Variants in UBE3D observed in about 807,000 individuals in gnomAD.
UBE3D encodes the protein ubiquitin protein ligase E3D.
In UBE3D, 48 loss-of-function variants were observed where a neutral mutation model predicts 49.6. The ratio of observed to expected loss-of-function variants is 0.97; its 90% CI spans 0.77 to 1.23. The LOEUF is 1.23. Among genes scored for constraint, UBE3D ranks in the 50% most tolerant of loss-of-function variants. The probability of loss-of-function intolerance (pLI) is 0.00; values close to 1 mark genes in which losing one functional copy is unlikely to be tolerated. For synonymous variants in UBE3D, 189 were observed against 174.2 expected, an observed-to-expected ratio of 1.08 and a Z score of -0.67; for missense variants, 452 against 468.4, an observed-to-expected ratio of 0.96 and a Z score of 0.32.
chr6:82,944,417 T>C (rs1775249673), intron 9 of UBE3D, among the ~76,000 whole-genome samples: 1 of 152,144 alleles, frequency 6.6e-6, no homozygotes, highest in Admixed American at 6.5e-5. Flanking sequence ...GCCTATCATC[T>C]GATGACTAAA....
At chr6:82,983,977 C>A (rs962272531) in intron 8 of UBE3D, among the ~76,000 whole-genome samples, 1 of 151,970 alleles carries the variant, frequency 6.6e-6, no homozygotes, top group African/African-American at 2.4e-5. Context: ...TCATATTTTG[C>A]CTTATAACTA....
intron 5 of UBE3D, among the ~76,000 whole-genome samples, chr6:83,025,882 T>TAAAAA (rs70987730): frequency 2.2e-4 from 20 of 90,312 alleles, no homozygotes; most frequent in Admixed American, 4.2e-4. Context: ...GACTCCATCT[T>TAAAAA]AAAAAAAAAA....
chr6:83,045,816 C>A (rs1344193925), intron 3 of UBE3D, among the ~76,000 whole-genome samples: 1 of 152,090 alleles, frequency 6.6e-6, no homozygotes, highest in Non-Finnish European at 1.5e-5. Flanking sequence ...CACTAATATC[C>A]TTTTTTTCTG....
At chr6:82,973,095 T>C (rs930274406) in intron 8 of UBE3D, among the ~76,000 whole-genome samples, 4 of 152,164 alleles carry the variant, frequency 2.6e-5, no homozygotes, top group Non-Finnish European at 5.9e-5. Flanking sequence ...CACCACATTA[T>C]AGTACAAAAG....
At chr6:82,998,985 T>C (rs994973579) in intron 8 of UBE3D, among the ~76,000 whole-genome samples, 14 of 152,194 alleles carry the variant, frequency 9.2e-5, no homozygotes, top group African/African-American at 2.4e-4. Context: ...CAATGAACTA[T>C]GCCTACCAAG....
chr6:83,040,037 G>A (rs933060858), intron 4 of UBE3D, among the ~76,000 whole-genome samples: 11 of 152,090 alleles, frequency 7.2e-5, no homozygotes, highest in African/African-American at 2.7e-4. Flanking sequence ...TATTTGAGGT[G>A]TGTTTGTGTA....
Position 82,949,553 on chromosome 6 carries a change from C to T in UBE3D, c.1149+7759G>A, listed in dbSNP as rs549686333. ...GGAACCACAAAAGACCCACAATAGC[C>T]AAAGCCATCCTGAGTAAAAAGAACA... On this transcript the variant is annotated intron_variant, in intron 9 of 9. Coordinates refer to ENST00000369747, the MANE Select transcript of UBE3D (RefSeq NM_198920.3). Among the ~76,000 whole-genome samples the T allele has an allele frequency of 2.6e-5, 4 of 151,942 alleles. No homozygotes were observed. The East Asian group carries it at 7.7e-4, about 29-fold the overall frequency.
chr6:82,916,768 T>C (rs1026608468), intron 9 of UBE3D, among the ~76,000 whole-genome samples: 1 of 152,206 alleles, frequency 6.6e-6, no homozygotes, highest in African/African-American at 2.4e-5. Context: ...GACAATCTCA[T>C]GCTTTCAGCT....
At chr6:83,053,059 T>C (rs1466140701) in intron 3 of UBE3D, among the ~76,000 whole-genome samples, 1 of 152,258 alleles carries the variant, frequency 6.6e-6, no homozygotes, top group African/African-American at 2.4e-5. Context: ...CGTTAGAGCA[T>C]ATGGCCCAAA....
In UBE3D at chr6:82,931,941, C is replaced by T. The variant is rs191516981; in HGVS notation, c.1149+25371G>A. ...ATCTCCACATGTCGTGGGAGGGACCCGGTGTGAGGTAATTGAATCATGGGG... is the reference window on the plus strand; with the variant it reads ...ATCTCCACATGTCGTGGGAGGGACCTGGTGTGAGGTAATTGAATCATGGGG... On this transcript the variant is annotated intron_variant, in intron 9 of 9. Transcript: ENST00000369747. 7.2e-5 allele frequency among the ~76,000 whole-genome samples: 11 copies of T among 152,140 alleles called. 1 individual carries two copies. In the South Asian group the frequency reaches 1.0e-3, roughly 14 times the overall value.
intron 1 of UBE3D, 107 bp downstream of exon 1, chr6:83,065,535 G>C (rs2127870176): frequency 9.1e-7 from 1 of 1,096,844 alleles, no homozygotes; most frequent in South Asian, 1.5e-5. Flanking sequence ...TACGCAACTG[G>C]AAAGAAGAAA....
Position 82,899,702 on chromosome 6 carries a change from G to A in UBE3D, c.1150-6660C>T, listed in dbSNP as rs137884646. ...GATCTTGATCCTATTCTTCAACAAA[G>A]CAAGTAGGTCCTACATGTGAACTTC... On this transcript the variant is annotated intron_variant, in intron 9 of 9. Coordinates refer to ENST00000369747, the MANE Select transcript of UBE3D (RefSeq NM_198920.3). Among the ~76,000 whole-genome samples, 1,179 of 152,272 alleles carry A rather than the reference G, an allele frequency of 7.7e-3. 16 individuals carry two copies. The highest frequency in any genetic ancestry group is 0.027 in the African/African-American group (1,116 of 41,558).
intron 8 of UBE3D, among the ~76,000 whole-genome samples, chr6:83,010,057 G>A (rs1780236414): frequency 6.6e-6 from 1 of 151,928 alleles, no homozygotes; most frequent in Non-Finnish European, 1.5e-5. Flanking sequence ...AACATAGGAG[G>A]AGGTTGGGGA....
At chr6:83,015,994 G>A (rs1439554463) in intron 8 of UBE3D, among the ~76,000 whole-genome samples, 1 of 152,136 alleles carries the variant, frequency 6.6e-6, no homozygotes, top group Non-Finnish European at 1.5e-5. Context: ...AAGTTGCAGG[G>A]TCCCATTTTT....
intron 8 of UBE3D, among the ~76,000 whole-genome samples, chr6:82,996,772 A>C (rs1215407517): frequency 6.6e-6 from 1 of 152,230 alleles, no homozygotes; most frequent in Non-Finnish European, 1.5e-5. Context: ...TGCCTAACCA[A>C]TACTCCTCAA....
chr6:82,926,989 A>G (rs115009202), intron 9 of UBE3D, among the ~76,000 whole-genome samples: 194 of 152,202 alleles, frequency 1.3e-3, no homozygotes, highest in African/African-American at 4.1e-3. Flanking sequence ...GGTATTTTAC[A>G]TTGAGGTCTG....
intron 9 of UBE3D, among the ~76,000 whole-genome samples, chr6:82,954,036 T>G (rs149125258): frequency 2.1e-3 from 315 of 152,258 alleles, no homozygotes; most frequent in Middle Eastern, 6.8e-3. Flanking sequence ...ATAGAGCCAG[T>G]GTGCCTGGAG....
rs372089596 is a variant in UBE3D, at chr6:83,035,248, G to A, written c.667+3168C>T. Among the ~76,000 whole-genome samples the A allele has an allele frequency of 4.4e-3, 662 of 151,540 alleles. 7 individuals carry two copies. The highest frequency in any genetic ancestry group is 0.015 in the African/African-American group (624 of 41,330). ...TTGCTTCAATCTAGGCTGCTATCCT[G>A]TAGTCCTGCTGCCCACTCCTTACCC... On this transcript the variant is annotated intron_variant, in intron 5 of 9. Coordinates refer to ENST00000369747, the MANE Select transcript of UBE3D (RefSeq NM_198920.3).
chr6:83,022,861 TC>T (rs34105789), intron 6 of UBE3D, among the ~76,000 whole-genome samples: 97,200 of 152,052 alleles, frequency 0.64, 31,885 homozygotes, highest in East Asian at 0.78. Context: ...AAGTCAATAC[TC>T]CATTTGTGCT....
Sources: allele counts gnomAD v4.1 joint callset (sites outside exome capture counted in the v4.1 genomes callset), GRCh38; gene constraint gnomAD v4.1.1; transcripts MANE v1.5; gene names NCBI Gene and HGNC (gene_info 2026-07-23, HGNC 2026-07-21).